DCC: variants seen among roughly 807,000 people sequenced by gnomAD.
DCC encodes the protein netrin receptor DCC.
Under a neutral mutation model 172.5 loss-of-function variants are expected in DCC, and 58 were observed. The ratio of observed to expected loss-of-function variants is 0.34; its 90% CI spans 0.27 to 0.42. The LOEUF (loss-of-function observed/expected upper bound fraction) is 0.42, where lower values mean the gene tolerates loss of function less well. DCC is among the 10% of genes least tolerant of loss of function. The pLI, the probability that DCC is intolerant of heterozygous loss-of-function variation, is 1.00. For synonymous variants in DCC, 709 were observed against 644.5 expected (o/e 1.10, Z -1.52); for missense variants, 1,740 against 1,791.0 (o/e 0.97, Z 0.51).
At chr18:53,068,799 A>ATGTG (rs2042611603) in intron 7 of DCC, among the ~76,000 whole-genome samples, 3 of 142,684 alleles carry the variant, frequency 2.1e-5, no homozygotes, top group African/African-American at 7.9e-5. Flanking sequence ...GTGTGTGTGT[A>ATGTG]TGTGTATGTG....
intron 11 of DCC, among the ~76,000 whole-genome samples, chr18:53,208,998 T>C (rs2055704390): frequency 6.6e-6 from 1 of 152,208 alleles, no homozygotes. Flanking sequence ...CACATAGTGC[T>C]GGGATTACAA....
chr18:52,974,974 A>G (rs576770066), intron 5 of DCC, among the ~76,000 whole-genome samples: 2 of 152,328 alleles, frequency 1.3e-5, no homozygotes, highest in African/African-American at 4.8e-5. Flanking sequence ...TTCATTTAAC[A>G]GATTTCTACT....
At chr18:52,480,384 C>T (rs2029909898) in intron 1 of DCC, among the ~76,000 whole-genome samples, 1 of 151,756 alleles carries the variant, frequency 6.6e-6, no homozygotes, top group Non-Finnish European at 1.5e-5. Context: ...CCACATATAC[C>T]CCTAGAACAT....
At chr18:53,215,672 T>C (rs2055835061) in intron 12 of DCC, 75 bp downstream of exon 12, 1 of 1,225,992 alleles carries the variant, frequency 8.2e-7, no homozygotes, top group Non-Finnish European at 1.2e-6. Flanking sequence ...CTCACCCAAC[T>C]GCTGTCTTGA....
intron 5 of DCC, among the ~76,000 whole-genome samples, chr18:53,032,378 G>T (rs1275430939): frequency 6.6e-6 from 1 of 152,112 alleles, no homozygotes; most frequent in African/African-American, 2.4e-5. Flanking sequence ...TTTGTTGTCA[G>T]CTCTTTGCAT....
chr18:52,553,010 G>T (rs536117222), intron 1 of DCC, among the ~76,000 whole-genome samples: 2 of 151,994 alleles, frequency 1.3e-5, no homozygotes, highest in Admixed American at 6.6e-5. Context: ...GGGTTTAAAG[G>T]TTCAAAGGGA....
intron 1 of DCC, among the ~76,000 whole-genome samples, chr18:52,481,143 T>C (rs1163080566): frequency 6.6e-6 from 1 of 152,218 alleles, no homozygotes; most frequent in Non-Finnish European, 1.5e-5. Context: ...TTAAATATTT[T>C]ACTTCATTTT....
At chr18:53,479,628 G>C (rs2045808498) in intron 25 of DCC, among the ~76,000 whole-genome samples, 1 of 152,144 alleles carries the variant, frequency 6.6e-6, no homozygotes, top group Admixed American at 6.5e-5. Flanking sequence ...TACAAGATAA[G>C]AAGTAGTTTG....
intron 7 of DCC, among the ~76,000 whole-genome samples, chr18:53,070,793 A>C (rs2042641399): frequency 6.6e-6 from 1 of 152,196 alleles, no homozygotes; most frequent in Non-Finnish European, 1.5e-5. Context: ...CACCATTGTG[A>C]CTGTCTTATA....
intron 26 of DCC, among the ~76,000 whole-genome samples, chr18:53,497,208 C>G (rs1004435026): frequency 6.6e-6 from 1 of 152,200 alleles, no homozygotes; most frequent in African/African-American, 2.4e-5. Flanking sequence ...GCACAATTCA[C>G]AGAGGAACAC....
chr18:52,953,153 A>C (rs1198961225), intron 5 of DCC, among the ~76,000 whole-genome samples: 1 of 152,174 alleles, frequency 6.6e-6, no homozygotes, highest in African/African-American at 2.4e-5. Context: ...CCCTTTTCAA[A>C]GAAGATATGC....
At chr18:52,743,097 G>T (rs2036848319) in intron 1 of DCC, among the ~76,000 whole-genome samples, 1 of 152,118 alleles carries the variant, frequency 6.6e-6, no homozygotes, top group Non-Finnish European at 1.5e-5. Flanking sequence ...AAAGTTGATT[G>T]GTCACTTCAC....
chr18:53,089,519 A>G (rs1013976929), intron 7 of DCC, among the ~76,000 whole-genome samples: 1 of 152,112 alleles, frequency 6.6e-6, no homozygotes, highest in Non-Finnish European at 1.5e-5. Flanking sequence ...TAATTTTATA[A>G]CTGCTTTGGA....
chr18:52,654,136 T>C (rs2035198266), intron 1 of DCC, among the ~76,000 whole-genome samples: 1 of 152,160 alleles, frequency 6.6e-6, no homozygotes, highest in African/African-American at 2.4e-5. Context: ...TCCTCACATA[T>C]TGCCAATAGA....
Position 52,340,456 on chromosome 18 carries a change from C to T in DCC, c.-332C>T, listed in dbSNP as rs925858298. On this transcript the variant is annotated 5_prime_UTR_variant, in exon 1 of 29. Transcript: ENST00000442544. ...ATGTGGTTTATTGATGACTTGCGAGCCCCTCAGAGAGCTGTCTTCCCTCCT... is the reference window on the plus strand; with the variant it reads ...ATGTGGTTTATTGATGACTTGCGAGTCCCTCAGAGAGCTGTCTTCCCTCCT... 15 of 419,702 alleles carry T rather than the reference C, an allele frequency of 3.6e-5. No homozygotes were observed. In the Admixed American group the frequency reaches 4.9e-4, roughly 14 times the overall value. The allele number at this position is 419,702 out of a possible 1,614,324, so 26.0% of individuals were successfully genotyped here. A position where few individuals can be genotyped will look rare whatever the true frequency, so the allele number is the denominator to read the frequency against.
At chr18:53,420,094 A>G (rs1484175333) in intron 21 of DCC, among the ~76,000 whole-genome samples, 2 of 152,174 alleles carry the variant, frequency 1.3e-5, no homozygotes, top group South Asian at 2.1e-4. Flanking sequence ...TGACCTTGTG[A>G]TCCGCCTGTC....
At chr18:53,376,612 T>A (rs1008843826) in intron 15 of DCC, among the ~76,000 whole-genome samples, 3 of 151,938 alleles carry the variant, frequency 2.0e-5, no homozygotes, top group African/African-American at 4.8e-5. Context: ...TTTGGAAGAG[T>A]GTCTGGAGTA....
At chr18:53,250,260 G>A (rs377129469) in intron 12 of DCC, among the ~76,000 whole-genome samples, 7 of 151,786 alleles carry the variant, frequency 4.6e-5, no homozygotes, top group Middle Eastern at 3.4e-3. Context: ...TACTCCACAC[G>A]GGAAATTATA....
chr18:53,325,310 A>G (rs1255228957), intron 14 of DCC, among the ~76,000 whole-genome samples: 1 of 152,106 alleles, frequency 6.6e-6, no homozygotes, highest in Non-Finnish European at 1.5e-5. Flanking sequence ...ACAGTGATTC[A>G]AGGCAAACAA....
Sources: allele counts gnomAD v4.1 joint callset (sites outside exome capture counted in the v4.1 genomes callset), GRCh38; gene constraint gnomAD v4.1.1; transcripts MANE v1.5; gene names NCBI Gene and HGNC (gene_info 2026-07-23, HGNC 2026-07-21).